Variants in DEUP1 observed in about 807,000 individuals in gnomAD.
DEUP1 encodes the protein deuterosome assembly protein 1.
A neutral mutation model predicts 87.4 loss-of-function variants in DEUP1; 82 were observed. That is an observed-to-expected ratio of 0.94 (90% CI 0.78 to 1.13). The LOEUF is 1.13. Among genes scored for constraint, DEUP1 ranks in the 50% most tolerant of loss-of-function variants. DEUP1 has a pLI of 0.00. For missense variants in DEUP1, 663 were observed against 681.5 expected (o/e 0.97, Z 0.30); for synonymous variants, 214 against 222.7 (o/e 0.96, Z 0.35).
intron 12 of DEUP1, among the ~76,000 whole-genome samples, chr11:93,414,277 G>A (rs965635619): frequency 6.6e-6 from 1 of 152,166 alleles, no homozygotes; most frequent in Admixed American, 6.5e-5. Context: ...ACTTTGGGAG[G>A]CCAACGCAGG....
chr11:93,371,744 A>C (rs1945740598), intron 7 of DEUP1, among the ~76,000 whole-genome samples: 1 of 152,164 alleles, frequency 6.6e-6, no homozygotes, highest in African/African-American at 2.4e-5. Context: ...ATCAAACAGT[A>C]ACCTAGAATT....
rs1346326513 is a variant in DEUP1, at chr11:93,408,374, A to G, written c.1470A>G (p.Glu490=). 6.4e-7 allele frequency: 1 copy of G among 1,572,044 alleles called. No individual in the cohort carries two copies. Among genetic ancestry groups the G allele is most frequent in the Admixed American group, 1.9e-5 (1 of 53,524 alleles). ...GGACTAATCAAAACACCTATGAAGA[A>G]ACAGGAAGATATGCCTATCAAAGCC... ...STWTNQNTYE[E]TGRYAYQSQI... Residue 490 remains glutamate (E), a synonymous_variant, in exon 12 of 14, where the codon GAA becomes GAG. Transcript: ENST00000298050.
At chr11:93,409,695 A>C (rs1246321721) in intron 12 of DEUP1, among the ~76,000 whole-genome samples, 1 of 152,196 alleles carries the variant, frequency 6.6e-6, no homozygotes, top group Non-Finnish European at 1.5e-5. Flanking sequence ...ACATAACAGA[A>C]ATAATATTCA....
chr11:93,367,041 C>T (rs576200463), intron 5 of DEUP1, among the ~76,000 whole-genome samples: 24 of 152,128 alleles, frequency 1.6e-4, no homozygotes, highest in African/African-American at 5.3e-4. Context: ...TTTTGTATGT[C>T]GAATGTCAGA....
In DEUP1 at chr11:93,394,575, T is replaced by C. The variant is rs1565332300; in HGVS notation, c.1158T>C (p.Thr386=). The C allele has an allele frequency of 1.2e-6, 2 of 1,613,264 alleles. No homozygotes were observed. The highest frequency in any genetic ancestry group is 1.1e-5 in the South Asian group (1 of 90,858). ...ATCAGAAGGAGATCACTATAGCAAC[T>C]GTCACAAAGAAAGCTGCCCTTCTGG... ...ELHQKEITIA[T]VTKKAALLEK... is the part of the protein sequence containing the mutation. Residue 386 remains threonine, a synonymous_variant, in exon 10 of 14, where the codon ACT becomes ACC. Coordinates refer to ENST00000298050, the MANE Select transcript of DEUP1 (RefSeq NM_181645.4).
chr11:93,434,863 C>T (rs1197323077), intron 13 of DEUP1, among the ~76,000 whole-genome samples: 1 of 152,162 alleles, frequency 6.6e-6, no homozygotes, highest in Non-Finnish European at 1.5e-5. Flanking sequence ...TATACCACAT[C>T]CTGAAGAATG....
chr11:93,413,570 T>A (rs1947513761), intron 12 of DEUP1, among the ~76,000 whole-genome samples: 1 of 152,172 alleles, frequency 6.6e-6, no homozygotes, highest in African/African-American at 2.4e-5. Context: ...CATCTAAACC[T>A]CAGTTTCATG....
At chr11:93,335,721 A>G (rs1276777748) in intron 2 of DEUP1, among the ~76,000 whole-genome samples, 3 of 152,136 alleles carry the variant, frequency 2.0e-5, no homozygotes, top group African/African-American at 7.2e-5. Flanking sequence ...CTTTCTTTTT[A>G]GTTTACTTTA....
chr11:93,376,891 G>C (rs746646310), intron 7 of DEUP1, among the ~76,000 whole-genome samples: 11 of 152,094 alleles, frequency 7.2e-5, no homozygotes, highest in Non-Finnish European at 1.3e-4. Context: ...GATCATTTGG[G>C]AGCAGGTTAT....
At position 93,371,149 on chromosome 11, in the gene DEUP1, A is replaced by G; in HGVS notation, c.658A>G (p.Asn220Asp). Residue 220 changes from asparagine to aspartate, a missense_variant, in exon 7 of 14, where the codon AAT (asparagine) becomes GAT (aspartate). Transcript: ENST00000298050. ...ICDPDPNCEI[N>D]ERDEFIIEKL... ...TGACCCAGATCCCAATTGTGAAATC[A>G]ATGAAAGAGATGAGTTCATTATTGA... is the stretch of plus-strand genomic sequence containing the variant. The G allele has an allele frequency of 6.2e-7, 1 of 1,613,332 alleles. No homozygotes were observed. Among genetic ancestry groups the G allele is most frequent in the Non-Finnish European group, 8.5e-7 (1 of 1,179,574 alleles).
chr11:93,380,978 A>G (rs1946277769), intron 7 of DEUP1, among the ~76,000 whole-genome samples: 2 of 152,226 alleles, frequency 1.3e-5, no homozygotes. Flanking sequence ...AATTTGGTTC[A>G]AAAACTTTAA....
At chr11:93,367,952 C>A (rs1167743102) in intron 5 of DEUP1, among the ~76,000 whole-genome samples, 1 of 152,170 alleles carries the variant, frequency 6.6e-6, no homozygotes, top group Non-Finnish European at 1.5e-5. Flanking sequence ...ATAAAGAGCC[C>A]TTACCCTCAA....
intron 2 of DEUP1, among the ~76,000 whole-genome samples, chr11:93,345,367 T>C (rs975501406): frequency 6.6e-6 from 1 of 152,256 alleles, no homozygotes; most frequent in Non-Finnish European, 1.5e-5. Flanking sequence ...TCCTTTGGTA[T>C]ATACCCAGCA....
intron 13 of DEUP1, among the ~76,000 whole-genome samples, chr11:93,419,242 C>T (rs938302901): frequency 6.6e-6 from 1 of 151,546 alleles, no homozygotes; most frequent in African/African-American, 2.4e-5. Flanking sequence ...CAGATCCCCA[C>T]ACTGCTACTG....
Position 93,370,076 on chromosome 11 carries a change from T to G in DEUP1, c.436T>G (p.Phe146Val). The change falls in exon 6 of 14, where the codon TTT becomes GTT. Residue 146 changes from phenylalanine to valine, a missense_variant. Coordinates refer to ENST00000298050, the MANE Select transcript of DEUP1 (RefSeq NM_181645.4). ...LSNLNQKLEE[F>V]RAKSREWDKQ... ...TTGTCTCCCCACTTTTTAAAAGGAA[T>G]TTAGAGCAAAGTCAAGAGAATGGGA... 1 of 1,579,274 alleles carries G rather than the reference T, an allele frequency of 6.3e-7. No homozygotes were observed. The highest frequency in any genetic ancestry group is 8.7e-7 in the Non-Finnish European group (1 of 1,153,646).
intron 11 of DEUP1, among the ~76,000 whole-genome samples, chr11:93,403,482 G>A (rs906521973): frequency 2.0e-5 from 3 of 151,678 alleles, no homozygotes; most frequent in African/African-American, 4.8e-5. Flanking sequence ...ACTAAAGGTA[G>A]TAATGTCCTA....
intron 11 of DEUP1, among the ~76,000 whole-genome samples, chr11:93,396,556 C>T (rs1003647367): frequency 2.6e-5 from 4 of 152,154 alleles, no homozygotes; most frequent in South Asian, 2.1e-4. Context: ...GATCATTTCC[C>T]TCAAATATGC....
At chr11:93,358,038 G>C (rs950707961) in intron 4 of DEUP1, among the ~76,000 whole-genome samples, 1 of 152,096 alleles carries the variant, frequency 6.6e-6, no homozygotes, top group Non-Finnish European at 1.5e-5. Flanking sequence ...TGAAGATAAG[G>C]CTGTAAAACA....
chr11:93,391,196 T>C (rs567693530), intron 9 of DEUP1, among the ~76,000 whole-genome samples: 1 of 152,296 alleles, frequency 6.6e-6, no homozygotes, highest in East Asian at 1.9e-4. Flanking sequence ...TTTCTTTTCC[T>C]TTTTTCCAGT....
Sources: gnomAD v4.1 joint callset for allele counts (sites outside exome capture counted in the v4.1 genomes callset) on GRCh38, gnomAD v4.1.1 for gene constraint, MANE v1.5 for transcripts, NCBI Gene and HGNC (gene_info 2026-07-23, HGNC 2026-07-21) for gene names.